The following MYH7B variants were observed in gnomAD, a reference collection of about 807,000 sequenced individuals.
MYH7B encodes myosin-7B.
In MYH7B, 205 loss-of-function variants were observed where a neutral mutation model predicts 234.5. That is an observed-to-expected ratio of 0.87 (90% CI 0.78 to 0.98). MYH7B has a LOEUF of 0.98. Ranked by LOEUF, MYH7B falls within the 50% of genes least tolerant of loss-of-function variation. MYH7B has a pLI of 0.00. For missense variants in MYH7B, 2,652 were observed against 2,633.4 expected, an observed-to-expected ratio of 1.01 and a Z score of -0.15; for synonymous variants, 1,193 against 1,105.0, an observed-to-expected ratio of 1.08 and a Z score of -1.58.
chr20:35,002,350 T>C, exon 45 of MYH7B: 1 of 777,788 alleles, frequency 1.3e-6, no homozygotes, highest in East Asian at 2.9e-5. Flanking sequence ...TTCTTTTCTT[T>C]GGGGTTCAGG....
Position 34,998,771 on chromosome 20 carries a change from T to C in MYH7B, c.4046T>C (p.Leu1349Pro), listed in dbSNP as rs767243281. The C allele has an allele frequency of 6.2e-6, 10 of 1,612,918 alleles. No individual in the cohort carries two copies. The South Asian group carries it at 1.1e-4, about 18-fold the overall frequency. ...CAGGCTCTGCGGCACGACTGTGACC[T>C]CCTGCGGGAGCAACACGAGGAGGAG... Residue 1349 changes from leucine (L) to proline (P), a missense_variant, in exon 35 of 45, where the codon CTC becomes CCC. By Grantham distance (98) the Leu-to-Pro change is moderately conservative. This residue lies in a region of MYH7B where 2,279 missense variants were observed against 2,211.4 expected (regional missense o/e 1.03). Coordinates refer to ENST00000262873, the Ensembl canonical transcript of MYH7B.
Position 34,996,482 on chromosome 20 carries a change from TGACC to T in MYH7B, c.3081_3084del (p.Thr1028ArgfsTer38), listed in dbSNP as rs758195859. On this transcript the variant is annotated frameshift_variant, in exon 29 of 45. Transcript: ENST00000262873. LOFTEE classifies it high-confidence loss of function. ...GCCGAGGAGGACCGTGTGAGCGCGCTGACCAAGGCCAAGCTCCGGCTGGAGCAAC... is the reference window on the plus strand; with the variant it reads ...GCCGAGGAGGACCGTGTGAGCGCGCTAAGGCCAAGCTCCGGCTGGAGCAAC... 7.4e-6 allele frequency: 12 copies of T among 1,612,584 alleles called. No homozygotes were observed. The highest frequency in any genetic ancestry group is 2.2e-5 in the South Asian group (2 of 91,028).
At position 34,987,684 on chromosome 20, in the gene MYH7B, C is replaced by A; in HGVS notation, c.1266+9C>A. The A allele has an allele frequency of 6.2e-7, 1 of 1,612,136 alleles. No homozygotes were observed. The highest frequency in any genetic ancestry group is 1.7e-5 in the Admixed American group (1 of 59,920). On this transcript the variant is annotated intron_variant, in intron 17 of 44. Transcript: ENST00000262873. ...GCCAGAGTGTGGAGCAGGTGAGCTGCCTGCAGGCCAAACCCATGGGGGACA... is the reference window on the plus strand; with the variant it reads ...GCCAGAGTGTGGAGCAGGTGAGCTGACTGCAGGCCAAACCCATGGGGGACA...
chr20:34,993,363 C>T, exon 26 of MYH7B: 1 of 1,613,998 alleles, frequency 6.2e-7, no homozygotes, highest in Non-Finnish European at 8.5e-7. Context: ...TTCTAGGCGT[C>T]CTGGAAGAGC....
At chr20:34,969,496 G>A (rs1439446280) in intron 2 of MYH7B, among the ~76,000 whole-genome samples, 1 of 149,714 alleles carries the variant, frequency 6.7e-6, no homozygotes, top group Non-Finnish European at 1.5e-5. Context: ...TCTCTCCCCC[G>A]ATTTTTACGC....
chr20:34,980,347 G>T, intron 7 of MYH7B: 1 of 447,792 alleles, frequency 2.2e-6, no homozygotes, highest in Non-Finnish European at 4.0e-6. Flanking sequence ...TCAGAAGTTC[G>T]AGACCAGCCT....
chr20:34,987,961 G>T (rs1721045069), intron 18 of MYH7B, 47 bp downstream of exon 18: 1 of 1,560,426 alleles, frequency 6.4e-7, no homozygotes, highest in Non-Finnish European at 8.7e-7. Flanking sequence ...CAAGGTAGAG[G>T]ACATGGGCCT....
rs748756488 is a variant in MYH7B, at chr20:34,997,347, G to C, written c.3454G>C (p.Glu1152Gln). 2.9e-5 allele frequency: 45 copies of C among 1,539,300 alleles called. No homozygotes were observed. In the Admixed American group the frequency reaches 8.8e-4, roughly 30 times the overall value. Residue 1152 changes from glutamate to glutamine, a missense_variant, in exon 32 of 45, where the codon GAG becomes CAG. Glu to Gln is a conservative substitution (Grantham distance 29). Transcript: ENST00000262873. The stretch of plus-strand genomic sequence containing the variant: ...TGCAGAGGCGGCGCGGGAGCTGGAG[G>C]AGCTGAGCGAGCGGCTGGAGGAGGC...
chr20:34,973,820 C>T (rs1211298136), intron 2 of MYH7B, among the ~76,000 whole-genome samples: 2 of 152,114 alleles, frequency 1.3e-5, no homozygotes, highest in Non-Finnish European at 2.9e-5. Context: ...TGCAGTGGCA[C>T]GATTTCAGCT....
At chr20:34,959,071 A>G (rs897464774) in intron 2 of MYH7B, among the ~76,000 whole-genome samples, 4 of 152,252 alleles carry the variant, frequency 2.6e-5, no homozygotes, top group African/African-American at 7.2e-5. Flanking sequence ...TAGAAATCGT[A>G]TCTCCATTGG....
chr20:34,964,960 TTGAACTCTTATGTGCCAGGC>T (rs542933256), intron 2 of MYH7B, among the ~76,000 whole-genome samples: 1,993 of 152,352 alleles, frequency 0.013, 38 homozygotes, highest in African/African-American at 0.045. Context: ...TGATTATATG[TTGAACTCTTATGTGCCAGGC>T]ACTTACGCCT....
rs200090549 is a variant in MYH7B at position 34,993,419 on chromosome 20, G to A, written c.2393G>A (p.Arg798Gln). 3.0e-4 allele frequency: 484 copies of A among 1,612,312 alleles called. No homozygotes were observed. Among genetic ancestry groups the A allele is most frequent in the Non-Finnish European group, 3.6e-4 (419 of 1,179,674 alleles). The change falls in exon 26 of 45, where the codon CGG becomes CAG. Residue 798 changes from arginine to glutamine, a missense_variant. Physicochemically the swap from Arg to Gln is conservative, Grantham distance 43. Around this residue, in one of 3 missense-constraint regions of MYH7B, gnomAD observed 2,279 missense variants for 2,211.4 expected, o/e 1.03. Coordinates refer to ENST00000262873, the Ensembl canonical transcript of MYH7B. ...AAGGTGCTGACGCTGCTGCAGGCGC[G>A]GAGCCGTGGCCGCCTCATGCGCCTT... is the stretch of plus-strand genomic sequence containing the variant.
At chr20:34,973,221 C>T (rs114534939) in intron 2 of MYH7B, among the ~76,000 whole-genome samples, 2,136 of 152,278 alleles carry the variant, frequency 0.014, 68 homozygotes, top group African/African-American at 0.049. Flanking sequence ...ATTCTCCCAC[C>T]TTGGCCTCCA....
intron 27 of MYH7B, among the ~76,000 whole-genome samples, chr20:34,994,718 C>T (rs1361987233): frequency 6.6e-6 from 1 of 152,222 alleles, no homozygotes; most frequent in Non-Finnish European, 1.5e-5. Context: ...CATGGGAACC[C>T]AGGTGGCAGG....
At chr20:35,001,340 C>T (rs549605706) in exon 42 of MYH7B, 33 of 1,608,874 alleles carry the variant, frequency 2.1e-5, no homozygotes, top group South Asian at 1.4e-4. Context: ...TCAAGGAGCT[C>T]GCATACCAGG....
intron 33 of MYH7B, 33 bp from the exon 34 acceptor site, chr20:34,998,478 G>C (rs201210806): frequency 1.2e-6 from 2 of 1,612,778 alleles, no homozygotes; most frequent in African/African-American, 2.7e-5. Context: ...GCCCTCACCA[G>C]CCTGACCTGT....
intron 22 of MYH7B, 39 bp from the exon 23 acceptor site, chr20:34,990,699 C>T (rs767843195): frequency 1.3e-6 from 2 of 1,593,954 alleles, no homozygotes; most frequent in Admixed American, 1.7e-5. Flanking sequence ...TGGTTCTCTG[C>T]CCCCTTTGTG....
In MYH7B at chr20:34,995,169, C is replaced by T. The variant is rs777863717; in HGVS notation, c.2701-167C>T. Among the ~76,000 whole-genome samples, 5 of 152,364 alleles carry T rather than the reference C, an allele frequency of 3.3e-5. No homozygotes were observed. The South Asian group carries it at 8.3e-4, about 25-fold the overall frequency. Reference sequence around the variant, plus strand: ...CTTAATGCTCTGGTGTGTCCCTCTGCGCTATTGCCCTTCCATGCCCAAGAG... The same window carrying T: ...CTTAATGCTCTGGTGTGTCCCTCTGTGCTATTGCCCTTCCATGCCCAAGAG... On this transcript the variant is annotated intron_variant, in intron 27 of 44. Coordinates refer to ENST00000262873, the Ensembl canonical transcript of MYH7B.
In MYH7B at chr20:34,990,238, GC is replaced by G. The variant is rs1180399264; in HGVS notation, c.1911del (p.Lys638SerfsTer4). 5.6e-6 allele frequency: 9 copies of G among 1,614,120 alleles called. No homozygotes were observed. Among genetic ancestry groups the G allele is most frequent in the Non-Finnish European group, 7.6e-6 (9 of 1,180,026 alleles). On this transcript the variant is annotated frameshift_variant, in exon 22 of 45. Transcript: ENST00000262873. LOFTEE classifies it high-confidence loss of function. ...CAGGCCCCTTGTCTCTATTAGCTGA[GC>G]CCCCCAAGTCTGGGGTGAAAGAGAA... is the stretch of plus-strand genomic sequence containing the variant.
Sources: gnomAD v4.1 joint callset for allele counts (sites outside exome capture counted in the v4.1 genomes callset) on GRCh38, gnomAD v4.1.1 for gene constraint, gnomAD v4.1.1 regional missense constraint, MANE v1.5 for transcripts, NCBI Gene and HGNC (gene_info 2026-07-23, HGNC 2026-07-21) for gene names.